MILR1: variants seen among roughly 807,000 people sequenced by gnomAD.
MILR1 encodes allergin-1.
Under a neutral mutation model 18.5 loss-of-function variants are expected in MILR1, and 31 were observed. That is an observed-to-expected ratio of 1.68 (90% CI 1.26 to 2.26). The LOEUF is 2.26. Among genes scored for constraint, MILR1 ranks in the 30% most tolerant of loss-of-function variants. The pLI is 0.00. For synonymous variants in MILR1, 85 were observed against 56.2 expected (o/e 1.51, Z -2.30); for missense variants, 257 against 157.4 (o/e 1.63, Z -3.38).
At chr17:64,467,303 A>G (rs2037595162) in intron 8 of MILR1, among the ~76,000 whole-genome samples, 1 of 149,190 alleles carries the variant, frequency 6.7e-6, no homozygotes, top group East Asian at 2.0e-4. Flanking sequence ...AGAGACAAGT[A>G]TCTTGCTATA....
chr17:64,481,279 T>C, the MILR1 span: 8,019 of 985,284 alleles, frequency 8.1e-3, 517 homozygotes, highest in African/African-American at 0.13. Flanking sequence ...CGCCATTATC[T>C]TCTCCTTCTT....
intron 3 of MILR1, among the ~76,000 whole-genome samples, chr17:64,453,828 G>A (rs892296718): frequency 6.6e-6 from 1 of 152,106 alleles, no homozygotes; most frequent in African/African-American, 2.4e-5. Context: ...TCTTCAAAGC[G>A]TAGGGACCCT....
the MILR1 span, among the ~76,000 whole-genome samples, chr17:64,494,503 T>C: frequency 6.6e-6 from 1 of 152,206 alleles, no homozygotes; most frequent in Non-Finnish European, 1.5e-5. Context: ...CATGAAATGG[T>C]GAATTTTCTA....
chr17:64,486,513 C>G, the MILR1 span, among the ~76,000 whole-genome samples: 4 of 152,104 alleles, frequency 2.6e-5, no homozygotes, highest in Non-Finnish European at 5.9e-5. Context: ...AGGCACACAC[C>G]ACCATGTCTG....
chr17:64,487,679 CAA>C, the MILR1 span, among the ~76,000 whole-genome samples: 1 of 147,678 alleles, frequency 6.8e-6, no homozygotes, highest in Admixed American at 6.7e-5. Flanking sequence ...CGCTTTGAAT[CAA>C]ACAAAATCTA....
downstream of MILR1, among the ~76,000 whole-genome samples, chr17:64,473,432 AATC>A (rs1284290373): frequency 6.6e-6 from 1 of 151,834 alleles, no homozygotes; most frequent in Non-Finnish European, 1.5e-5. Flanking sequence ...TGGCCAGAGG[AATC>A]ATCAACAGTG....
intron 4 of MILR1, among the ~76,000 whole-genome samples, chr17:64,458,088 A>G (rs1019616479): frequency 9.9e-5 from 15 of 151,680 alleles, no homozygotes; most frequent in Non-Finnish European, 1.9e-4. Context: ...TTTTTTCATC[A>G]TTTGTATGTC....
At chr17:64,474,409 C>G in the MILR1 span, among the ~76,000 whole-genome samples, 2 of 152,086 alleles carry the variant, frequency 1.3e-5, no homozygotes, top group Non-Finnish European at 2.9e-5. Context: ...GGGTCTTGCT[C>G]TGTTGCCCAG....
Position 64,464,057 on chromosome 17 carries a change from C to T in MILR1, c.764-1395C>T, listed in dbSNP as rs889761588. On this transcript the variant is annotated intron_variant, in intron 5 of 9. Transcript: ENST00000619286. The stretch of plus-strand genomic sequence containing the variant: ...CAGGCTGGTCTTGAACTTCTGACCT[C>T]GTGATCCGCCCACCGCGGCCTCCCA... Among the ~76,000 whole-genome samples, 5 of 151,222 alleles carry T rather than the reference C, an allele frequency of 3.3e-5. No individual in the cohort carries two copies. The East Asian group carries it at 7.8e-4, about 23-fold the overall frequency.
chr17:64,494,098 G>A, the MILR1 span, among the ~76,000 whole-genome samples: 1 of 152,038 alleles, frequency 6.6e-6, no homozygotes, highest in African/African-American at 2.4e-5. Flanking sequence ...TGCATTCTGA[G>A]TAGGTTTCTT....
intron 6 of MILR1, 111 bp from the exon 7 acceptor site, chr17:64,466,331 G>T (rs2037559056): frequency 1.2e-6 from 1 of 861,700 alleles, no homozygotes; most frequent in Non-Finnish European, 1.9e-6. Context: ...GCTGACAATG[G>T]AACAGTCCCA....
the MILR1 span, chr17:64,496,323 C>T: frequency 3.6e-6 from 3 of 831,242 alleles, no homozygotes; most frequent in East Asian, 2.4e-5. Context: ...GAATACAGGG[C>T]CAGTTGCAAT....
At chr17:64,450,346 C>G (rs1431969040) in intron 2 of MILR1, among the ~76,000 whole-genome samples, 4 of 152,128 alleles carry the variant, frequency 2.6e-5, no homozygotes, top group African/African-American at 9.7e-5. Context: ...GTAAACCATC[C>G]GTAAGTGATA....
Position 64,467,594 on chromosome 17 carries a change from G to C in MILR1, c.1009G>C (p.Val337Leu). 6.4e-7 allele frequency: 1 copy of C among 1,560,888 alleles called. No individual in the cohort carries two copies. Among genetic ancestry groups the C allele is most frequent in the Non-Finnish European group, 8.7e-7 (1 of 1,143,234 alleles). ...CTGTGATTCTTATAAATCTGGATAT[G>C]TCTATTCTGAACTCAACTTCTGAAA... ...EACDSYKSGY[V>L]YSELNF The change falls in exon 9 of 10, where the codon GTC (valine) becomes CTC (leucine). Residue 337 changes from valine to leucine, a missense_variant. Physicochemically the swap from Val to Leu is conservative, Grantham distance 32. Coordinates refer to ENST00000619286, the MANE Select transcript of MILR1 (RefSeq NM_001085423.2).
At chr17:64,487,020 A>G in the MILR1 span, 1 of 152,066 alleles carries the variant, frequency 6.6e-6, no homozygotes, top group African/African-American at 2.4e-5. Flanking sequence ...ATCATTGTTC[A>G]CCTGGATATT....
chr17:64,471,672 G>T (rs2037688602), downstream of MILR1, among the ~76,000 whole-genome samples: 1 of 152,210 alleles, frequency 6.6e-6, no homozygotes, highest in African/African-American at 2.4e-5. Context: ...AACAATAGGG[G>T]TGGGTGTGGT....
chr17:64,468,930 CA>C (rs1364726884), downstream of MILR1, among the ~76,000 whole-genome samples: 1 of 151,738 alleles, frequency 6.6e-6, no homozygotes, highest in Non-Finnish European at 1.5e-5. Flanking sequence ...ACTAAAAATA[CA>C]AAAAAATTAG....
the MILR1 span, among the ~76,000 whole-genome samples, chr17:64,480,811 G>C: frequency 6.6e-6 from 1 of 152,094 alleles, no homozygotes; most frequent in Non-Finnish European, 1.5e-5. Context: ...AGGCAGAAGA[G>C]CCAGGAAAGA....
chr17:64,491,696 G>A, the MILR1 span: 12 of 1,095,606 alleles, frequency 1.1e-5, no homozygotes, highest in East Asian at 2.6e-5. Context: ...GGAGCATCTC[G>A]GGGTTTACCA....
Sources: gnomAD v4.1 joint callset for allele counts (sites outside exome capture counted in the v4.1 genomes callset) on GRCh38, gnomAD v4.1.1 for gene constraint, MANE v1.5 for transcripts, NCBI Gene and HGNC (gene_info 2026-07-23, HGNC 2026-07-21) for gene names.